PXDN: variants seen among roughly 807,000 people sequenced by gnomAD.
PXDN encodes the protein peroxidasin homolog.
A neutral mutation model predicts 140.3 loss-of-function variants in PXDN; 77 were observed. That is an observed-to-expected ratio of 0.55 (90% CI 0.46 to 0.66). The LOEUF (loss-of-function observed/expected upper bound fraction) is 0.66, where lower values mean the gene tolerates loss of function less well. PXDN is among the 30% of genes least tolerant of loss of function. The probability of loss-of-function intolerance (pLI) is 0.00; values close to 1 mark genes in which losing one functional copy is unlikely to be tolerated. For missense variants in PXDN, 1,838 were observed against 2,039.5 expected (o/e 0.90, Z 1.90); for synonymous variants, 911 against 857.4 (o/e 1.06, Z -1.09).
rs755755586 is a variant in PXDN, at chr2:1,663,736, T to G, written c.1436A>C (p.His479Pro). The G allele has an allele frequency of 1.9e-6, 3 of 1,613,194 alleles. No individual in the cohort carries two copies. The Admixed American group carries it at 5.0e-5, about 27-fold the overall frequency. ...GGSQLSVDRR[H>P]LVLSSGTLRI... is the part of the protein sequence containing the mutation. ...AAGTGTTCCCGATGACAGGACCAGG[T>G]GCCGCCGGTCCACGGAGAGCTGGCT... is the stretch of plus-strand genomic sequence containing the variant. The change falls in exon 12 of 23, where the codon CAC becomes CCC. Residue 479 changes from histidine to proline, a missense_variant. By Grantham distance (77) the His-to-Pro change is moderately conservative. Transcript: ENST00000252804.
intron 1 of PXDN, among the ~76,000 whole-genome samples, chr2:1,726,596 A>C (rs1685191705): frequency 6.6e-6 from 1 of 152,202 alleles, no homozygotes; most frequent in African/African-American, 2.4e-5. Context: ...AAAATAAAAA[A>C]GAAAAATGTC....
intron 1 of PXDN, among the ~76,000 whole-genome samples, chr2:1,737,581 C>T (rs1192074618): frequency 6.6e-6 from 1 of 151,962 alleles, no homozygotes; most frequent in Non-Finnish European, 1.5e-5. Flanking sequence ...GCTCTGTCCC[C>T]CAAGCTGGAG....
At chr2:1,686,250 G>A (rs1684054663) in intron 4 of PXDN, among the ~76,000 whole-genome samples, 1 of 152,158 alleles carries the variant, frequency 6.6e-6, no homozygotes, top group Non-Finnish European at 1.5e-5. Context: ...CAGGCTCACT[G>A]TACAGCGTTT....
chr2:1,674,961 C>G (rs891857163), intron 8 of PXDN, among the ~76,000 whole-genome samples: 1 of 152,168 alleles, frequency 6.6e-6, no homozygotes, highest in Non-Finnish European at 1.5e-5. Flanking sequence ...TCCCCATGAC[C>G]GCCCTCAGAA....
At chr2:1,733,602 T>C (rs748649643) in intron 1 of PXDN, among the ~76,000 whole-genome samples, 6 of 151,774 alleles carry the variant, frequency 4.0e-5, no homozygotes, top group Non-Finnish European at 7.4e-5. Flanking sequence ...ATTAGCCAGG[T>C]GTGGCGGTGC....
intron 1 of PXDN, among the ~76,000 whole-genome samples, chr2:1,739,411 G>A (rs1240113962): frequency 6.6e-6 from 1 of 152,080 alleles, no homozygotes; most frequent in Non-Finnish European, 1.5e-5. Context: ...GCTGCCCCTG[G>A]ATTCAGAGTC....
chr2:1,715,687 C>T (rs1388334006), intron 1 of PXDN, among the ~76,000 whole-genome samples: 3 of 152,162 alleles, frequency 2.0e-5, no homozygotes, highest in African/African-American at 7.2e-5. Flanking sequence ...CAGATGGAAA[C>T]AGCCAGGGAA....
At chr2:1,733,603 G>A (rs1685359922) in intron 1 of PXDN, among the ~76,000 whole-genome samples, 2 of 152,172 alleles carry the variant, frequency 1.3e-5, no homozygotes. Context: ...TTAGCCAGGT[G>A]TGGCGGTGCG....
intron 9 of PXDN, among the ~76,000 whole-genome samples, chr2:1,672,721 G>C (rs1240270901): frequency 6.6e-6 from 1 of 152,200 alleles, no homozygotes; most frequent in Non-Finnish European, 1.5e-5. Flanking sequence ...CAGAGACCAG[G>C]CCAATTAAGG....
chr2:1,736,395 A>G (rs1365660933), intron 1 of PXDN, among the ~76,000 whole-genome samples: 1 of 152,192 alleles, frequency 6.6e-6, no homozygotes, highest in African/African-American at 2.4e-5. Flanking sequence ...TAAGGCCTGG[A>G]AAGGGAGGAG....
intron 9 of PXDN, among the ~76,000 whole-genome samples, chr2:1,667,964 T>C (rs1366235489): frequency 1.3e-5 from 2 of 152,182 alleles, no homozygotes; most frequent in Non-Finnish European, 2.9e-5. Flanking sequence ...TTAAATTTCA[T>C]ATGGACCAAA....
intron 3 of PXDN, among the ~76,000 whole-genome samples, chr2:1,689,982 T>C (rs1684149698): frequency 1.3e-5 from 2 of 152,182 alleles, no homozygotes; most frequent in African/African-American, 4.8e-5. Flanking sequence ...CCTCTACAAG[T>C]ATAGTTTGGT....
intron 1 of PXDN, among the ~76,000 whole-genome samples, chr2:1,728,004 C>G (rs1013100718): frequency 1.3e-5 from 2 of 152,214 alleles, no homozygotes; most frequent in African/African-American, 4.8e-5. Flanking sequence ...GATGCAATCA[C>G]AGCTCACTGC....
chr2:1,739,741 G>A (rs1386014662), intron 1 of PXDN, among the ~76,000 whole-genome samples: 3 of 152,180 alleles, frequency 2.0e-5, no homozygotes, highest in African/African-American at 7.2e-5. Flanking sequence ...TCTGGCCACA[G>A]AACACAGAGA....
chr2:1,700,148 G>A (rs1294664398), intron 1 of PXDN, among the ~76,000 whole-genome samples: 3 of 151,994 alleles, frequency 2.0e-5, no homozygotes, highest in Non-Finnish European at 2.9e-5. Context: ...TGCAACCACC[G>A]CCTCCCGGGT....
chr2:1,688,611 G>C (rs1684117300), intron 3 of PXDN, among the ~76,000 whole-genome samples: 1 of 152,184 alleles, frequency 6.6e-6, no homozygotes, highest in Non-Finnish European at 1.5e-5. Context: ...GGGACCCCAA[G>C]AAGGCTGTGA....
chr2:1,725,648 G>A (rs911901350), intron 1 of PXDN, among the ~76,000 whole-genome samples: 6 of 152,112 alleles, frequency 3.9e-5, no homozygotes, highest in East Asian at 1.9e-4. Context: ...GCAACCTACA[G>A]AATGGGAGAA....
intron 14 of PXDN, 76 bp from the exon 15 acceptor site, chr2:1,654,584 A>C (rs1403742283): frequency 3.4e-6 from 3 of 880,298 alleles, no homozygotes; most frequent in African/African-American, 3.3e-5. Context: ...TAGACACTAC[A>C]TCATTAGCCA....
At chr2:1,679,724 T>G (rs1683830802) in intron 7 of PXDN, among the ~76,000 whole-genome samples, 1 of 150,910 alleles carries the variant, frequency 6.6e-6, no homozygotes, top group Admixed American at 6.6e-5. Flanking sequence ...AAATGCTGTG[T>G]GTGTGTGGAT....
Sources: gnomAD v4.1 joint callset for allele counts (sites outside exome capture counted in the v4.1 genomes callset) on GRCh38, gnomAD v4.1.1 for gene constraint, MANE v1.5 for transcripts, NCBI Gene and HGNC (gene_info 2026-07-23, HGNC 2026-07-21) for gene names.